Variants in ADGRL3 observed in about 807,000 individuals in gnomAD.
The protein encoded by ADGRL3 is adhesion G protein-coupled receptor L3.
ADGRL3 carries 62 observed loss-of-function variants against 153.5 expected under a neutral mutation model. The observed-to-expected ratio is 0.40, with a 90% confidence interval of 0.33 to 0.50. ADGRL3 has a LOEUF of 0.50. Among genes scored for constraint, ADGRL3 ranks in the 20% least tolerant of loss-of-function variants. The pLI is 0.47. For missense variants in ADGRL3, 1,641 were observed against 1,859.4 expected (o/e 0.88, Z 2.16); for synonymous variants, 710 against 672.5 (o/e 1.06, Z -0.86).
At chr4:61,490,698 GAA>G (rs66522716) in intron 2 of ADGRL3, among the ~76,000 whole-genome samples, 28 of 146,610 alleles carry the variant, frequency 1.9e-4, no homozygotes, top group South Asian at 1.1e-3. Flanking sequence ...CCTCAATATT[GAA>G]AAAAAAAAAA....
In ADGRL3 at chr4:61,698,118, A is replaced by G. The variant is rs537380681; in HGVS notation, c.583+21183A>G. Among the ~76,000 whole-genome samples, 10 of 152,208 alleles carry G rather than the reference A, an allele frequency of 6.6e-5. No homozygotes were observed. The South Asian group carries it at 1.9e-3, about 28-fold the overall frequency. ...AACATACTTGCCTATTTGAAGTTATATAGTATTAATGATTGTGAACATCAC... is the reference window on the plus strand; with the variant it reads ...AACATACTTGCCTATTTGAAGTTATGTAGTATTAATGATTGTGAACATCAC... On this transcript the variant is annotated intron_variant, in intron 6 of 26. Transcript: ENST00000683033.
At chr4:61,382,491 T>TATA (rs1349303947) in intron 1 of ADGRL3, among the ~76,000 whole-genome samples, 1 of 151,764 alleles carries the variant, frequency 6.6e-6, no homozygotes, top group Non-Finnish European at 1.5e-5. Flanking sequence ...ATTTGTTTAA[T>TATA]AAAATTAAAA....
At chr4:61,653,910 T>C (rs2094357282) in intron 5 of ADGRL3, among the ~76,000 whole-genome samples, 1 of 152,172 alleles carries the variant, frequency 6.6e-6, no homozygotes, top group African/African-American at 2.4e-5. Flanking sequence ...GGTGTTCTTA[T>C]AGGAGTAAAT....
At chr4:62,063,113 T>C (rs944601017) in intron 25 of ADGRL3, among the ~76,000 whole-genome samples, 1 of 152,098 alleles carries the variant, frequency 6.6e-6, no homozygotes, top group East Asian at 1.9e-4. Context: ...ATTTTTGCTT[T>C]TTTGTGTGTG....
rs141205065 is a variant in ADGRL3 at position 61,743,793 on chromosome 4, C to T, written c.1399+10239C>T. On this transcript the variant is annotated intron_variant, in intron 8 of 26. Transcript: ENST00000683033. ...CTCCCAGCGTGAGTGACGCAGAAAA[C>T]GGGTGATTTCTGCATTTCCATCTGA... 5.7e-3 allele frequency among the ~76,000 whole-genome samples: 868 copies of T among 152,236 alleles called. 12 individuals carry two copies. The highest frequency in any genetic ancestry group is 0.019 in the African/African-American group (770 of 41,552).
intron 25 of ADGRL3, among the ~76,000 whole-genome samples, chr4:62,058,566 C>T (rs980995238): frequency 1.3e-5 from 2 of 152,090 alleles, no homozygotes; most frequent in Admixed American, 1.3e-4. Context: ...TGCCTCCCTT[C>T]CAGGAAAAAT....
intron 1 of ADGRL3, among the ~76,000 whole-genome samples, chr4:61,332,154 G>A (rs73825115): frequency 0.032 from 4,933 of 152,202 alleles, 161 homozygotes; most frequent in African/African-American, 0.08. Flanking sequence ...AAATTTACTA[G>A]TGACTTCTAT....
intron 11 of ADGRL3, among the ~76,000 whole-genome samples, chr4:61,896,262 CAT>C (rs144379585): frequency 0.05 from 7,669 of 152,150 alleles, 308 homozygotes; most frequent in East Asian, 0.18. Context: ...AAAATATACA[CAT>C]GTGTGACAGA....
At chr4:61,659,997 G>T (rs188990560) in intron 5 of ADGRL3, among the ~76,000 whole-genome samples, 49 of 152,126 alleles carry the variant, frequency 3.2e-4, no homozygotes, top group African/African-American at 1.1e-3. Flanking sequence ...TGGATATTGG[G>T]GGGACAGAGG....
At chr4:61,705,718 C>CA (rs2095846615) in intron 6 of ADGRL3, among the ~76,000 whole-genome samples, 1 of 151,994 alleles carries the variant, frequency 6.6e-6, no homozygotes, top group Non-Finnish European at 1.5e-5. Context: ...AGGCTGGTCT[C>CA]AAACTTCTCA....
chr4:61,315,406 T>C (rs1318119388), intron 1 of ADGRL3, among the ~76,000 whole-genome samples: 3 of 152,176 alleles, frequency 2.0e-5, no homozygotes, highest in Non-Finnish European at 2.9e-5. Context: ...AGTGGAACTT[T>C]CAGTGTCTAA....
chr4:61,320,296 A>C (rs1451552978), intron 1 of ADGRL3, among the ~76,000 whole-genome samples: 1 of 152,244 alleles, frequency 6.6e-6, no homozygotes, highest in African/African-American at 2.4e-5. Flanking sequence ...GATCCTTGTT[A>C]ACAACTCAAA....
intron 2 of ADGRL3, among the ~76,000 whole-genome samples, chr4:61,391,807 A>G (rs1165012971): frequency 7.1e-6 from 1 of 140,812 alleles, no homozygotes; most frequent in African/African-American, 2.6e-5. Context: ...ACCTGCTTTT[A>G]TTGCTGTTTA....
intron 2 of ADGRL3, among the ~76,000 whole-genome samples, chr4:61,447,581 C>A (rs886100069): frequency 6.6e-6 from 1 of 152,126 alleles, no homozygotes; most frequent in African/African-American, 2.4e-5. Flanking sequence ...GTTTTATTTG[C>A]ATAATTATAA....
chr4:61,748,237 T>C (rs2096699036), intron 8 of ADGRL3, among the ~76,000 whole-genome samples: 1 of 152,180 alleles, frequency 6.6e-6, no homozygotes, highest in Non-Finnish European at 1.5e-5. Context: ...GAACATTCCA[T>C]GCTCATGGGT....
chr4:61,703,979 G>C (rs2151353848), intron 6 of ADGRL3, among the ~76,000 whole-genome samples: 1 of 152,156 alleles, frequency 6.6e-6, no homozygotes, highest in South Asian at 2.1e-4. Flanking sequence ...AAAAATTGCT[G>C]ACCAGCATAC....
At chr4:61,211,931 A>T (rs573939226) in intron 1 of ADGRL3, 3 of 152,408 alleles carry the variant, frequency 2.0e-5, no homozygotes, top group East Asian at 3.9e-4. Context: ...AGAGAGCTGG[A>T]TTTTTTCCTG....
chr4:61,460,834 C>T (rs1414752660), intron 2 of ADGRL3, among the ~76,000 whole-genome samples: 4 of 151,908 alleles, frequency 2.6e-5, no homozygotes, highest in African/African-American at 7.3e-5. Context: ...TTTGGGAGGC[C>T]GAGGTGGGCA....
intron 1 of ADGRL3, among the ~76,000 whole-genome samples, chr4:61,312,730 C>T (rs2095059280): frequency 6.6e-6 from 1 of 152,126 alleles, no homozygotes; most frequent in African/African-American, 2.4e-5. Flanking sequence ...CCAACACCAG[C>T]AAATGTTGGT....
Sources: allele counts gnomAD v4.1 joint callset (sites outside exome capture counted in the v4.1 genomes callset), GRCh38; gene constraint gnomAD v4.1.1; transcripts MANE v1.5; gene names NCBI Gene and HGNC (gene_info 2026-07-23, HGNC 2026-07-21).